Variants in ADGRL2 observed in about 807,000 individuals in gnomAD.
ADGRL2 encodes the protein calcium-independent alpha-latrotoxin receptor 2.
ADGRL2 carries 44 observed loss-of-function variants against 157.4 expected under a neutral mutation model. That is an observed-to-expected ratio of 0.28 (90% CI 0.22 to 0.36). The LOEUF is 0.36. ADGRL2 is among the 10% of genes least tolerant of loss of function. The pLI, the probability that ADGRL2 is intolerant of heterozygous loss-of-function variation, is 1.00. For synonymous variants in ADGRL2, 585 were observed against 624.7 expected, an observed-to-expected ratio of 0.94 and a Z score of 0.95; for missense variants, 1,510 against 1,768.9, an observed-to-expected ratio of 0.85 and a Z score of 2.63.
chr1:81,449,164 G>A (rs1172763909), intron 2 of ADGRL2, among the ~76,000 whole-genome samples: 2 of 151,184 alleles, frequency 1.3e-5, no homozygotes, highest in East Asian at 3.9e-4. Flanking sequence ...ATATTATCCA[G>A]GGTCTGTGTA....
At chr1:81,800,666 C>A (rs2087905360), upstream of ADGRL2, among the ~76,000 whole-genome samples, 1 of 152,056 alleles carries the variant, frequency 6.6e-6, no homozygotes, top group Non-Finnish European at 1.5e-5. Flanking sequence ...ATACTCTTCA[C>A]CCACTCCAGA....
chr1:81,845,238 A>T (rs1178112135), intron 2 of ADGRL2, among the ~76,000 whole-genome samples: 1 of 152,114 alleles, frequency 6.6e-6, no homozygotes, highest in Admixed American at 6.6e-5. Flanking sequence ...TTTAATACAA[A>T]TTATTTAATC....
At chr1:81,758,639 T>A (rs1210994233) in intron 1 of ADGRL2, among the ~76,000 whole-genome samples, 1 of 152,214 alleles carries the variant, frequency 6.6e-6, no homozygotes, top group Non-Finnish European at 1.5e-5. Flanking sequence ...ATCTGTGGCG[T>A]GGTTCTATCA....
intron 3 of ADGRL2, among the ~76,000 whole-genome samples, chr1:81,627,340 T>A (rs2081931145): frequency 6.6e-6 from 1 of 152,142 alleles, no homozygotes; most frequent in African/African-American, 2.4e-5. Context: ...AGAATAGTTG[T>A]GCAGCGTCAA....
intron 3 of ADGRL2, among the ~76,000 whole-genome samples, chr1:81,645,526 T>C (rs967013204): frequency 2.0e-5 from 3 of 152,156 alleles, no homozygotes; most frequent in African/African-American, 4.8e-5. Context: ...ATCATCATTA[T>C]CCAGTTTGAC....
At chr1:81,309,746 T>G (rs1453801355) in intron 1 of ADGRL2, among the ~76,000 whole-genome samples, 1 of 152,184 alleles carries the variant, frequency 6.6e-6, no homozygotes, top group Admixed American at 6.5e-5. Context: ...CTAAATCAGA[T>G]CTGTAATTGA....
At chr1:81,763,981 G>C (rs1168055820) in intron 2 of ADGRL2, among the ~76,000 whole-genome samples, 1 of 151,966 alleles carries the variant, frequency 6.6e-6, no homozygotes, top group Non-Finnish European at 1.5e-5. Context: ...ACTCCAACCT[G>C]GGCGACAGTG....
chr1:81,531,624 C>G (rs2079601428), intron 2 of ADGRL2, among the ~76,000 whole-genome samples: 1 of 152,156 alleles, frequency 6.6e-6, no homozygotes, highest in Non-Finnish European at 1.5e-5. Context: ...GCCACTCTTA[C>G]AGGAGGAACT....
intron 2 of ADGRL2, among the ~76,000 whole-genome samples, chr1:81,529,757 C>T (rs527381859): frequency 6.6e-6 from 1 of 152,196 alleles, no homozygotes; most frequent in Non-Finnish European, 1.5e-5. Context: ...GGCAAATTAA[C>T]TTGCCCAGCA....
chr1:81,545,483 G>C (rs561493958), intron 2 of ADGRL2, among the ~76,000 whole-genome samples: 1 of 151,930 alleles, frequency 6.6e-6, no homozygotes, highest in Non-Finnish European at 1.5e-5. Flanking sequence ...GTTTCACCAC[G>C]TTGGCCAGGC....
chr1:81,509,976 C>G (rs2079046487), intron 2 of ADGRL2, among the ~76,000 whole-genome samples: 1 of 152,044 alleles, frequency 6.6e-6, no homozygotes, highest in Non-Finnish European at 1.5e-5. Context: ...TAAACACAGT[C>G]AAGTCCAAAA....
At chr1:81,962,876 CCTT>C (rs1655901200) in intron 11 of ADGRL2, among the ~76,000 whole-genome samples, 1 of 152,026 alleles carries the variant, frequency 6.6e-6, no homozygotes, top group Non-Finnish European at 1.5e-5. Context: ...CAGCCTTGCT[CCTT>C]AAGGAACTGC....
chr1:81,501,686 C>G (rs961676440), intron 2 of ADGRL2: 4 of 1,570,358 alleles, frequency 2.5e-6, no homozygotes, highest in Non-Finnish European at 3.5e-6. Context: ...CGGAGTGCCC[C>G]GCACAGGTTT....
intron 10 of ADGRL2, among the ~76,000 whole-genome samples, chr1:81,955,552 G>A (rs1445829222): frequency 6.6e-6 from 1 of 152,142 alleles, no homozygotes; most frequent in Non-Finnish European, 1.5e-5. Flanking sequence ...ACCTGTAAGA[G>A]TAATGTCTCA....
intron 11 of ADGRL2, among the ~76,000 whole-genome samples, chr1:81,960,080 A>C (rs1354657990): frequency 6.6e-6 from 1 of 152,140 alleles, no homozygotes; most frequent in Non-Finnish European, 1.5e-5. Flanking sequence ...GATTACAGGC[A>C]TGAACCACCA....
chr1:81,882,403 A>T (rs2094011367), intron 2 of ADGRL2, among the ~76,000 whole-genome samples: 1 of 152,110 alleles, frequency 6.6e-6, no homozygotes, highest in Admixed American at 6.5e-5. Context: ...AGAGTAAAAA[A>T]CCTTTTTTTA....
intron 3 of ADGRL2, among the ~76,000 whole-genome samples, chr1:81,651,680 A>G (rs970261684): frequency 1.3e-5 from 2 of 152,142 alleles, no homozygotes; most frequent in Non-Finnish European, 2.9e-5. Flanking sequence ...ATATTTTGGT[A>G]TAAGTTAGAA....
chr1:81,630,924 T>A (rs1331137410), intron 3 of ADGRL2, among the ~76,000 whole-genome samples: 2 of 152,228 alleles, frequency 1.3e-5, no homozygotes, highest in African/African-American at 2.4e-5. Flanking sequence ...CATAGTCTCC[T>A]AATTTTAAAT....
chr1:81,905,246 C>T (rs571842423), intron 2 of ADGRL2, among the ~76,000 whole-genome samples: 61 of 151,820 alleles, frequency 4.0e-4, no homozygotes, highest in Non-Finnish European at 6.9e-4. Context: ...TACAGGCATG[C>T]GCCACCACAC....
Sources: allele counts gnomAD v4.1 joint callset (sites outside exome capture counted in the v4.1 genomes callset), GRCh38; gene constraint gnomAD v4.1.1; transcripts MANE v1.5; gene names NCBI Gene and HGNC (gene_info 2026-07-23, HGNC 2026-07-21).